Variants in EEIG2 observed in about 807,000 individuals in gnomAD.
The protein encoded by EEIG2 is EEIG family member 2, also known as family with sequence similarity 102 member B.
At chr1:108,589,410 C>A in the EEIG2 span, among the ~76,000 whole-genome samples, 3 of 152,178 alleles carry the variant, frequency 2.0e-5, no homozygotes, top group African/African-American at 4.8e-5. Context: ...GTCTCTGCTC[C>A]TCATAGTAAT....
At chr1:108,582,805 C>T in the EEIG2 span, among the ~76,000 whole-genome samples, 5 of 152,082 alleles carry the variant, frequency 3.3e-5, no homozygotes, top group Non-Finnish European at 2.9e-5. Context: ...AGCGCATGAA[C>T]AGATACATTG....
At chr1:108,611,912 A>T in the EEIG2 span, among the ~76,000 whole-genome samples, 4 of 147,026 alleles carry the variant, frequency 2.7e-5, no homozygotes, top group African/African-American at 8.0e-5. Context: ...TCTTTAATGT[A>T]TATAGAAAAA....
chr1:108,625,805 TG>T, the EEIG2 span: 1,969 of 150,692 alleles, frequency 0.013, 37 homozygotes, highest in African/African-American at 0.029. Context: ...TGTGTGTGTG[TG>T]TGTGTGTGTG....
At chr1:108,624,661 A>G in the EEIG2 span, 9 of 1,613,936 alleles carry the variant, frequency 5.6e-6, no homozygotes, top group South Asian at 2.2e-5. Flanking sequence ...CTCCACTTCA[A>G]TGTCTATACC....
chr1:108,563,531 A>G, the EEIG2 span, among the ~76,000 whole-genome samples: 1 of 152,184 alleles, frequency 6.6e-6, no homozygotes, highest in Non-Finnish European at 1.5e-5. Flanking sequence ...ATCTTGCTAC[A>G]GAAAAGCCTT....
chr1:108,632,806 GA>G, the EEIG2 span, among the ~76,000 whole-genome samples: 2 of 152,034 alleles, frequency 1.3e-5, no homozygotes, highest in Non-Finnish European at 2.9e-5. Context: ...CAACCAAATG[GA>G]ATTTTTTTTT....
the EEIG2 span, among the ~76,000 whole-genome samples, chr1:108,603,312 A>G: frequency 1.3e-5 from 2 of 152,234 alleles, no homozygotes. Context: ...CAATCTTAAC[A>G]GGTCTAAAGG....
chr1:108,590,695 C>T, the EEIG2 span, among the ~76,000 whole-genome samples: 1 of 152,148 alleles, frequency 6.6e-6, no homozygotes, highest in Non-Finnish European at 1.5e-5. Context: ...AGCTCTTAAC[C>T]TCTATGCAAT....
chr1:108,586,314 G>GGTGTGTGT, the EEIG2 span, among the ~76,000 whole-genome samples: 10 of 147,998 alleles, frequency 6.8e-5, no homozygotes, highest in Admixed American at 6.8e-4. Flanking sequence ...TACGCAGAGG[G>GGTGTGTGT]GTGTGTGTGT....
chr1:108,562,774 G>A, the EEIG2 span, among the ~76,000 whole-genome samples: 10 of 151,998 alleles, frequency 6.6e-5, no homozygotes, highest in African/African-American at 2.4e-4. Context: ...CCATTTGCTT[G>A]AGATGTTATA....
At chr1:108,563,683 T>C in the EEIG2 span, among the ~76,000 whole-genome samples, 1 of 152,328 alleles carries the variant, frequency 6.6e-6, no homozygotes, top group Admixed American at 6.5e-5. Flanking sequence ...TGGCCAAGTA[T>C]TAGTTGAGCA....
At chr1:108,613,329 A>G in the EEIG2 span, among the ~76,000 whole-genome samples, 1 of 152,192 alleles carries the variant, frequency 6.6e-6, no homozygotes, top group African/African-American at 2.4e-5. Context: ...TTCACATTTT[A>G]TAGATGAAGA....
chr1:108,579,414 A>G, the EEIG2 span, among the ~76,000 whole-genome samples: 1 of 147,204 alleles, frequency 6.8e-6, no homozygotes, highest in East Asian at 2.0e-4. Flanking sequence ...TATGCACCCA[A>G]TACAGGAGCA....
At chr1:108,572,238 G>T in the EEIG2 span, among the ~76,000 whole-genome samples, 1 of 152,114 alleles carries the variant, frequency 6.6e-6, no homozygotes, top group Non-Finnish European at 1.5e-5. Flanking sequence ...TCTCTGAATT[G>T]CTTGAAGGCA....
chr1:108,632,303 T>C, the EEIG2 span, among the ~76,000 whole-genome samples: 1 of 151,240 alleles, frequency 6.6e-6, no homozygotes, highest in Non-Finnish European at 1.5e-5. Flanking sequence ...GGAGAGGGGG[T>C]TGTGAAAGGG....
chr1:108,610,829 G>T, the EEIG2 span, among the ~76,000 whole-genome samples: 1 of 152,266 alleles, frequency 6.6e-6, no homozygotes, highest in African/African-American at 2.4e-5. Context: ...AGCTACTTGG[G>T]AGGCTGAGGC....
chr1:108,594,017 A>G, the EEIG2 span, among the ~76,000 whole-genome samples: 1 of 152,228 alleles, frequency 6.6e-6, no homozygotes, highest in Non-Finnish European at 1.5e-5. Flanking sequence ...CATGTTGCCC[A>G]GGCTGGTCCC....
chr1:108,619,940 A>G, the EEIG2 span, among the ~76,000 whole-genome samples: 1 of 152,218 alleles, frequency 6.6e-6, no homozygotes, highest in Admixed American at 6.5e-5. Context: ...TTTACTTTAT[A>G]TCCCCTCCAA....
At chr1:108,633,126 G>A in the EEIG2 span, among the ~76,000 whole-genome samples, 6 of 151,950 alleles carry the variant, frequency 3.9e-5, no homozygotes, top group East Asian at 3.9e-4. Context: ...TCAAAAGCAC[G>A]GGCTGTCTTA....
Sources: allele counts gnomAD v4.1 joint callset (sites outside exome capture counted in the v4.1 genomes callset), GRCh38; gene constraint gnomAD v4.1.1; transcripts MANE v1.5; gene names NCBI Gene and HGNC (gene_info 2026-07-23, HGNC 2026-07-21).